SBF2: variants seen among roughly 807,000 people sequenced by gnomAD.
SBF2 encodes the protein SET binding factor 2.
Under a neutral mutation model 225.2 loss-of-function variants are expected in SBF2, and 112 were observed. The observed-to-expected ratio is 0.50, with a 90% CI of 0.43 to 0.58. The LOEUF (loss-of-function observed/expected upper bound fraction) is 0.58. Ranked by LOEUF, SBF2 falls within the 20% of genes least tolerant of loss-of-function variation. The pLI, the probability that SBF2 is intolerant of heterozygous loss-of-function variation, is 0.00. For missense variants in SBF2, 1,996 were observed against 2,206.2 expected (o/e 0.90, Z 1.91); for synonymous variants, 763 against 773.3 (o/e 0.99, Z 0.22).
intron 17 of SBF2, among the ~76,000 whole-genome samples, chr11:9,878,810 G>A (rs902806799): frequency 3.3e-5 from 5 of 152,128 alleles, no homozygotes; most frequent in African/African-American, 1.2e-4. Flanking sequence ...CATTCAAGAT[G>A]GCTCTCTGAC....
At chr11:9,961,207 TTTGA>T (rs1866546741) in intron 16 of SBF2, 1 of 152,228 alleles carries the variant, frequency 6.6e-6, no homozygotes, top group Non-Finnish European at 1.5e-5. Flanking sequence ...CTTTCATAAA[TTTGA>T]TTAATTATAT....
At chr11:9,862,954 T>C (rs1243832093) in intron 17 of SBF2, among the ~76,000 whole-genome samples, 1 of 151,634 alleles carries the variant, frequency 6.6e-6, no homozygotes, top group Admixed American at 6.6e-5. Flanking sequence ...ACATCTCTCT[T>C]TCATTCTCTT....
chr11:9,832,372 TA>T lies in SBF2; in HGVS notation c.3503del (p.Leu1168TyrfsTer4), dbSNP rs1855454235. The T allele has an allele frequency of 6.2e-7, 1 of 1,613,894 alleles. No individual in the cohort carries two copies. ...GTCGATAGCAGCGAGCTACTCTTGG[TA>T]AACTACTGTCCTGTACAGCTTGAGG... ...VVPQAVQDSS[L>X]PRVARCYRHN... On this transcript the variant is annotated frameshift_variant, in exon 27 of 40. Coordinates refer to ENST00000256190, the MANE Select transcript of SBF2 (RefSeq NM_030962.4). LOFTEE classifies it high-confidence loss of function.
chr11:10,061,060 G>T (rs1365097435), intron 2 of SBF2, among the ~76,000 whole-genome samples: 1 of 151,782 alleles, frequency 6.6e-6, no homozygotes, highest in Non-Finnish European at 1.5e-5. Context: ...AAATAAATCT[G>T]TAAATGTGAT....
intron 17 of SBF2, among the ~76,000 whole-genome samples, chr11:9,864,144 G>A (rs1322433538): frequency 1.3e-5 from 2 of 152,148 alleles, no homozygotes. Flanking sequence ...ACAGAATAGT[G>A]AGTAATCCAT....
chr11:10,174,000 A>C (rs1421674631), intron 2 of SBF2, among the ~76,000 whole-genome samples: 1 of 151,940 alleles, frequency 6.6e-6, no homozygotes, highest in Non-Finnish European at 1.5e-5. Flanking sequence ...CCACGCCAAA[A>C]ACCCATCTGT....
chr11:9,858,893 A>G (rs1294153468), intron 17 of SBF2, among the ~76,000 whole-genome samples: 1 of 152,150 alleles, frequency 6.6e-6, no homozygotes, highest in Non-Finnish European at 1.5e-5. Context: ...GGAGAACTGC[A>G]CTTTTCCTAC....
Position 9,845,543 on chromosome 11 carries a change from A to G in SBF2, c.3110+22T>C, listed in dbSNP as rs193255325. The G allele has an allele frequency of 6.1e-3, 9,849 of 1,608,532 alleles. 70 individuals are homozygous for G. The highest frequency in any genetic ancestry group is 6.7e-3 in the Non-Finnish European group (7,850 of 1,174,928). The stretch of plus-strand genomic sequence containing the variant: ...ATCAATTACGGGAGGGCTGAAATTA[A>G]CAGACTTGTCTTTCTTCTTACCGAA... On this transcript the variant is annotated intron_variant, in intron 24 of 39. Coordinates refer to ENST00000256190, the MANE Select transcript of SBF2 (RefSeq NM_030962.4).
At chr11:10,111,978 C>T (rs1347257083) in intron 2 of SBF2, among the ~76,000 whole-genome samples, 2 of 152,162 alleles carry the variant, frequency 1.3e-5, no homozygotes, top group African/African-American at 4.8e-5. Flanking sequence ...CAGAGGAAAG[C>T]AGTTATAAGC....
chr11:10,268,974 G>A (rs1471687659), intron 1 of SBF2, among the ~76,000 whole-genome samples: 2 of 152,082 alleles, frequency 1.3e-5, no homozygotes, highest in East Asian at 1.9e-4. Flanking sequence ...AGTTTCCTCT[G>A]TTGTTTCTTA....
rs1030212013 is a variant in SBF2 at position 10,133,414 on chromosome 11, T to C, written c.141+60488A>G. 2.1e-4 allele frequency among the ~76,000 whole-genome samples: 31 copies of C among 148,942 alleles called. 1 individual carries two copies. The highest frequency in any genetic ancestry group is 6.3e-4 in the South Asian group (3 of 4,730). On this transcript the variant is annotated intron_variant, in intron 2 of 39. Coordinates refer to ENST00000256190, the MANE Select transcript of SBF2 (RefSeq NM_030962.4). ...GAGCCCATGGAGTGGGTGGGAGGCTTAGGCATGGCGGGCTGCAGGTCCCGA... is the reference window on the plus strand; with the variant it reads ...GAGCCCATGGAGTGGGTGGGAGGCTCAGGCATGGCGGGCTGCAGGTCCCGA...
chr11:9,901,738 G>T (rs1177491692), intron 16 of SBF2, among the ~76,000 whole-genome samples: 1 of 152,118 alleles, frequency 6.6e-6, no homozygotes, highest in East Asian at 1.9e-4. Context: ...GCGACCTCCT[G>T]GGCTCAGGTG....
In SBF2 at chr11:9,789,146, C is replaced by T; in HGVS notation, c.4895G>A (p.Ser1632Asn). The T allele has an allele frequency of 6.2e-7, 1 of 1,614,158 alleles. No individual in the cohort carries two copies. Among genetic ancestry groups the T allele is most frequent in the Non-Finnish European group, 8.5e-7 (1 of 1,180,030 alleles). ...GGTGAGAGCATCAGGCTGAGTACAG[C>T]TGACATCATCATAGCATGGCCACAC... is the stretch of plus-strand genomic sequence containing the variant. The part of the protein sequence containing the change: ...RTVWPCYDDV[S>N]CTQPDALTSL... Residue 1632 changes from serine to asparagine, a missense_variant, in exon 35 of 40, where the codon AGC becomes AAC. Coordinates refer to ENST00000256190, the MANE Select transcript of SBF2 (RefSeq NM_030962.4).
chr11:10,099,682 T>C (rs1237159199), intron 2 of SBF2, among the ~76,000 whole-genome samples: 1 of 152,170 alleles, frequency 6.6e-6, no homozygotes, highest in Admixed American at 6.5e-5. Flanking sequence ...AAGTTGTACA[T>C]TGTGACATCG....
chr11:10,292,721 G>A (rs1478332331), intron 1 of SBF2, among the ~76,000 whole-genome samples: 2 of 151,712 alleles, frequency 1.3e-5, no homozygotes, highest in African/African-American at 4.8e-5. Context: ...GGGGAGGGGG[G>A]GAGGCGGAAC....
intron 6 of SBF2, among the ~76,000 whole-genome samples, chr11:10,025,780 T>G (rs1565147424): frequency 6.6e-6 from 1 of 152,030 alleles, no homozygotes; most frequent in Non-Finnish European, 1.5e-5. Context: ...TTTCTATTTT[T>G]AGTAGAGATG....
At chr11:9,834,715 T>A (rs1394903859) in intron 26 of SBF2, among the ~76,000 whole-genome samples, 2 of 152,230 alleles carry the variant, frequency 1.3e-5, no homozygotes, top group Non-Finnish European at 1.5e-5. Context: ...GAAAAGGCAG[T>A]TCCATAATTA....
chr11:10,249,449 C>T (rs531571487), intron 1 of SBF2, among the ~76,000 whole-genome samples: 1 of 151,766 alleles, frequency 6.6e-6, no homozygotes, highest in African/African-American at 2.4e-5. Context: ...TTTAAATACA[C>T]TATCAAAGAA....
At chr11:9,901,537 A>T (rs1177586775) in intron 16 of SBF2, among the ~76,000 whole-genome samples, 1 of 152,212 alleles carries the variant, frequency 6.6e-6, no homozygotes, top group African/African-American at 2.4e-5. Context: ...AGATCTGACA[A>T]AACAGACTCT....
Sources: gnomAD v4.1 joint callset for allele counts (sites outside exome capture counted in the v4.1 genomes callset) on GRCh38, gnomAD v4.1.1 for gene constraint, MANE v1.5 for transcripts, NCBI Gene and HGNC (gene_info 2026-07-23, HGNC 2026-07-21) for gene names.